The following CALN1 variants were observed in gnomAD, a reference collection of about 807,000 sequenced individuals.
CALN1 encodes calcium-binding protein 8.
Under a neutral mutation model 30.6 loss-of-function variants are expected in CALN1, and 17 were observed. That is an observed-to-expected ratio of 0.56 (90% CI 0.38 to 0.83). The LOEUF is 0.83. CALN1 is among the 40% of genes least tolerant of loss of function. CALN1 has a pLI of 0.00. For synonymous variants in CALN1, 156 were observed against 131.4 expected, an observed-to-expected ratio of 1.19 and a Z score of -1.28; for missense variants, 291 against 354.9, an observed-to-expected ratio of 0.82 and a Z score of 1.45.
chr7:72,269,149 G>C (rs1796797132), intron 3 of CALN1, among the ~76,000 whole-genome samples: 1 of 152,160 alleles, frequency 6.6e-6, no homozygotes. Flanking sequence ...AGAAGCCCAT[G>C]TGTGGGTTCC....
rs772525321 is a variant in CALN1 at position 72,033,472 on chromosome 7, G to C, written c.389-9703C>G. ...TCCATTACTCAAGGCAGAATGAAGG[G>C]AGTGCTATAATTGACCTAAAAGCAT... On this transcript the variant is annotated intron_variant, in intron 4 of 6. Transcript: ENST00000395275. 1.9e-4 allele frequency among the ~76,000 whole-genome samples: 29 copies of C among 151,578 alleles called. 1 individual carries two copies. Among genetic ancestry groups the C allele is most frequent in the Non-Finnish European group, 3.7e-4 (25 of 67,898 alleles).
chr7:72,018,469 C>A lies in CALN1; in HGVS notation c.501+5188G>T, dbSNP rs536792721. On this transcript the variant is annotated intron_variant, in intron 5 of 6. Transcript: ENST00000395275. ...ATATACCACTGCAGTAACAAAAAAA[C>A]ACACAGAAGCTTGATGAACGAAGAC... Among the ~76,000 whole-genome samples, 6 of 152,280 alleles carry A rather than the reference C, an allele frequency of 3.9e-5. No homozygotes were observed. The South Asian group carries it at 1.2e-3, about 32-fold the overall frequency.
chr7:72,280,528 C>T (rs1219891417), intron 2 of CALN1, among the ~76,000 whole-genome samples: 4 of 152,142 alleles, frequency 2.6e-5, no homozygotes, highest in South Asian at 2.1e-4. Flanking sequence ...CTTCAATGAC[C>T]ACCTCCTTTT....
intron 3 of CALN1, among the ~76,000 whole-genome samples, chr7:72,163,391 T>TAAAAAAAAAAAAAAAAAAAA (rs1563111506): frequency 7.7e-6 from 1 of 130,424 alleles, no homozygotes; most frequent in African/African-American, 2.8e-5. Context: ...TTATTGGAGA[T>TAAAAAAAAAAAAAAAAAAAA]TAAAAAAAAA....
chr7:72,416,267 A>C (rs895297723), upstream of CALN1, among the ~76,000 whole-genome samples: 4 of 152,166 alleles, frequency 2.6e-5, no homozygotes, highest in African/African-American at 7.2e-5. Flanking sequence ...ATTTGCATAT[A>C]ATTAGAAGTG....
intron 4 of CALN1, among the ~76,000 whole-genome samples, chr7:72,067,448 C>G (rs990122096): frequency 6.6e-6 from 1 of 151,966 alleles, no homozygotes; most frequent in Non-Finnish European, 1.5e-5. Flanking sequence ...CGAGGTTTTG[C>G]TATGTTGCCC....
intron 5 of CALN1, among the ~76,000 whole-genome samples, chr7:71,882,004 T>TA (rs1256001005): frequency 2.6e-5 from 4 of 152,208 alleles, no homozygotes; most frequent in Admixed American, 2.0e-4. Flanking sequence ...GCCCAGGAGT[T>TA]AGAGGCTACA....
At chr7:71,845,387 C>T (rs1040710729) in intron 5 of CALN1, among the ~76,000 whole-genome samples, 15 of 152,176 alleles carry the variant, frequency 9.9e-5, no homozygotes, top group Admixed American at 5.9e-4. Flanking sequence ...GCCTGTGTTT[C>T]GTTTAGGTGT....
At chr7:71,987,399 T>C (rs844695) in intron 5 of CALN1, among the ~76,000 whole-genome samples, 20,071 of 152,036 alleles carry the variant, frequency 0.13, 1,957 homozygotes, top group East Asian at 0.38. Flanking sequence ...AGGGGTGGGC[T>C]AGGCAGTCTG....
intron 2 of CALN1, among the ~76,000 whole-genome samples, chr7:72,386,766 G>A (rs1436603516): frequency 6.6e-6 from 1 of 152,020 alleles, no homozygotes; most frequent in Non-Finnish European, 1.5e-5. Flanking sequence ...ATTCTGAGTA[G>A]CTGGGGCTAC....
At chr7:72,309,402 G>C (rs535874781) in intron 2 of CALN1, among the ~76,000 whole-genome samples, 1 of 152,110 alleles carries the variant, frequency 6.6e-6, no homozygotes, top group Admixed American at 6.6e-5. Context: ...AAGGAACTCA[G>C]GAATGGACCC....
chr7:72,139,210 T>C (rs1357617886), intron 3 of CALN1, among the ~76,000 whole-genome samples: 11 of 152,222 alleles, frequency 7.2e-5, no homozygotes, highest in Non-Finnish European at 1.3e-4. Flanking sequence ...CCCTCTTTGA[T>C]GTCCCAGGCG....
intron 5 of CALN1, among the ~76,000 whole-genome samples, chr7:71,866,149 G>T (rs1026623810): frequency 6.6e-6 from 1 of 151,924 alleles, no homozygotes; most frequent in African/African-American, 2.4e-5. Context: ...GGGACTGCAG[G>T]CACGTGCCAC....
intron 2 of CALN1, among the ~76,000 whole-genome samples, chr7:72,372,650 C>G (rs1246655602): frequency 6.6e-6 from 1 of 152,138 alleles, no homozygotes; most frequent in Non-Finnish European, 1.5e-5. Flanking sequence ...GCGTCACACA[C>G]AGGGGACAGA....
At chr7:71,917,340 G>C (rs1486993200) in intron 5 of CALN1, among the ~76,000 whole-genome samples, 2 of 152,076 alleles carry the variant, frequency 1.3e-5, no homozygotes, top group African/African-American at 4.8e-5. Context: ...ATGTTCTAGA[G>C]GTCTAATATA....
rs1177807768 is a variant in CALN1, at chr7:71,990,613, C to T, written c.501+33044G>A. The stretch of plus-strand genomic sequence containing the variant: ...GATTACAGGTATGCATCACCACGCC[C>T]GGCTAAGTTTTGTATTTTTAGCAGA... On this transcript the variant is annotated intron_variant, in intron 5 of 6. Coordinates refer to ENST00000395275, the MANE Select transcript of CALN1 (RefSeq NM_031468.4). 4.6e-5 allele frequency among the ~76,000 whole-genome samples: 7 copies of T among 152,104 alleles called. No individual in the cohort carries two copies. In the East Asian group the frequency reaches 9.7e-4, roughly 21 times the overall value.
intron 5 of CALN1, among the ~76,000 whole-genome samples, chr7:71,899,720 G>T (rs1203062566): frequency 6.6e-6 from 1 of 152,086 alleles, no homozygotes; most frequent in Non-Finnish European, 1.5e-5. Flanking sequence ...CAGGTCTCCA[G>T]GTATTAAAGC....
In CALN1 at chr7:72,140,926, C is replaced by A. The variant is rs542453484; in HGVS notation, c.245-34632G>T. Among the ~76,000 whole-genome samples, 3 of 152,316 alleles carry A rather than the reference C, an allele frequency of 2.0e-5. No homozygotes were observed. The South Asian group carries it at 6.2e-4, about 32-fold the overall frequency. On this transcript the variant is annotated intron_variant, in intron 3 of 6. Coordinates refer to ENST00000395275, the MANE Select transcript of CALN1 (RefSeq NM_031468.4). ...TGCAGTCCTGTGGCAGCTGGTTCCC[C>A]ACCTGGGAGGAGGAAGACAGCCCCA...
intron 3 of CALN1, among the ~76,000 whole-genome samples, chr7:72,142,275 A>C (rs1810001509): frequency 6.6e-6 from 1 of 152,182 alleles, no homozygotes. Flanking sequence ...CTCCCACCCT[A>C]ATACTGTGCT....
Sources: gnomAD v4.1 joint callset for allele counts (sites outside exome capture counted in the v4.1 genomes callset) on GRCh38, gnomAD v4.1.1 for gene constraint, MANE v1.5 for transcripts, NCBI Gene and HGNC (gene_info 2026-07-23, HGNC 2026-07-21) for gene names.